ATP5F1C: variants seen among roughly 807,000 people sequenced by gnomAD.
ATP5F1C encodes the protein ATP synthase F1 subunit gamma.
Under a neutral mutation model 37.4 loss-of-function variants are expected in ATP5F1C, and 22 were observed. The observed-to-expected ratio is 0.59, with a 90% CI of 0.42 to 0.84. ATP5F1C has a LOEUF of 0.84. Among genes scored for constraint, ATP5F1C ranks in the 40% least tolerant of loss-of-function variants. The pLI is 0.00. For missense variants in ATP5F1C, 286 were observed against 362.4 expected (o/e 0.79, Z 1.71); for synonymous variants, 121 against 128.0 (o/e 0.95, Z 0.37).
rs1564331892 is a variant in ATP5F1C, at chr10:7,797,182, A to AGG, written c.223+6_223+7dup. ...ATATATGGATTGGGATCTTTAGGTA[A>AGG]GGGAAGAGTGTAATTCACAAATTAG... On this transcript the variant is annotated splice_donor_region_variant and intron_variant, in intron 3 of 9. Coordinates refer to ENST00000356708, the MANE Select transcript of ATP5F1C (RefSeq NM_001001973.3). 1 of 1,613,160 alleles carries AGG rather than the reference A, an allele frequency of 6.2e-7. No homozygotes were observed. The highest frequency in any genetic ancestry group is 8.5e-7 in the Non-Finnish European group (1 of 1,179,438).
chr10:7,796,390 A>AG lies in ATP5F1C; in HGVS notation c.91+235_91+236insG, dbSNP rs527670439. ...AATGATCATGATATAACTAGAAAAA[A>AG]TTATACCAGTGTTGGTGTAGGTGGG... On this transcript the variant is annotated intron_variant, in intron 2 of 9. Transcript: ENST00000356708. 31 of 355,974 alleles carry AG rather than the reference A, an allele frequency of 8.7e-5. No homozygotes were observed. In the East Asian group the frequency reaches 1.1e-3, roughly 13 times the overall value. The allele number at this position is 355,974 out of a possible 1,614,324, so 22.1% of individuals were successfully genotyped here.
chr10:7,802,528 C>G (rs1175215974), intron 7 of ATP5F1C, 103 bp downstream of exon 7: 2 of 1,347,240 alleles, frequency 1.5e-6, no homozygotes, highest in Admixed American at 4.7e-5. Context: ...ACAACATTAA[C>G]ATGATATTCC....
rs767207308 is a variant in ATP5F1C at position 7,788,213 on chromosome 10, C to T, written c.6C>T (p.Phe2=). The part of the protein sequence containing the change: M[F]SRAGVAGLSA... The stretch of plus-strand genomic sequence containing the variant: ...TCAGCAGGGCTGTGGCTACCATGTT[C>T]TCTCGCGCGGGTGTCGCTGGGCTGT... Residue 2 remains phenylalanine (F), a synonymous_variant, in exon 1 of 10, where the codon TTC becomes TTT. Transcript: ENST00000356708. 3 of 1,613,514 alleles carry T rather than the reference C, an allele frequency of 1.9e-6. No individual in the cohort carries two copies. The highest frequency in any genetic ancestry group is 1.7e-6 in the Non-Finnish European group (2 of 1,179,930).
At chr10:7,799,311 C>A (rs1285123234) in intron 4 of ATP5F1C, 117 bp downstream of exon 4, 1 of 930,674 alleles carries the variant, frequency 1.1e-6, no homozygotes, top group Non-Finnish European at 1.6e-6. Flanking sequence ...TTCTTCAGGG[C>A]CTTTTTTGGT....
chr10:7,806,741 C>T (rs1217058596), intron 8 of ATP5F1C, among the ~76,000 whole-genome samples: 2 of 151,876 alleles, frequency 1.3e-5, no homozygotes, highest in African/African-American at 4.8e-5. Context: ...TGCCTACTTG[C>T]ATGAGCATGT....
At chr10:7,796,441 T>C (rs2131061726) in intron 2 of ATP5F1C, 1 of 251,834 alleles carries the variant, frequency 4.0e-6, no homozygotes, top group Non-Finnish European at 7.6e-6. Context: ...GGGTAAATCA[T>C]GTTATATATA....
At chr10:7,800,178 T>C (rs11255368) in intron 6 of ATP5F1C, 87 bp downstream of exon 6, 10 of 1,315,444 alleles carry the variant, frequency 7.6e-6, no homozygotes, top group Non-Finnish European at 1.1e-5. Flanking sequence ...AGATATCTGG[T>C]GGTAGCTATA....
intron 3 of ATP5F1C, among the ~76,000 whole-genome samples, chr10:7,798,404 A>G (rs1836282087): frequency 6.6e-6 from 1 of 150,528 alleles, no homozygotes; most frequent in South Asian, 2.1e-4. Flanking sequence ...CACCTGGCTA[A>G]TTTTTGTATT....
chr10:7,805,926 A>G (rs12413175), intron 8 of ATP5F1C, among the ~76,000 whole-genome samples: 13,254 of 152,088 alleles, frequency 0.087, 761 homozygotes, highest in African/African-American at 0.13. Flanking sequence ...ATCTCTACAA[A>G]AATGAAAAAA....
In ATP5F1C at chr10:7,802,869, A is replaced by C; in HGVS notation, c.890+15A>C. On this transcript the variant is annotated intron_variant, in intron 8 of 9. Transcript: ENST00000356708. ...GCTGCAGCTCTGTGAGTAATTGTAG[A>C]TTGTCGCCTTCAGAGAATTTTTTTT... is the stretch of plus-strand genomic sequence containing the variant. The C allele has an allele frequency of 6.2e-7, 1 of 1,604,704 alleles. No homozygotes were observed. Among genetic ancestry groups the C allele is most frequent in the Non-Finnish European group, 8.5e-7 (1 of 1,175,932 alleles).
At chr10:7,802,205 C>A in intron 6 of ATP5F1C, 65 bp from the exon 7 acceptor site, 1 of 1,493,326 alleles carries the variant, frequency 6.7e-7, no homozygotes, top group Non-Finnish European at 9.0e-7. Context: ...CACTGAAAAG[C>A]TGTTTTTGAT....
At chr10:7,799,264 GACAA>G in intron 4 of ATP5F1C, 70 bp downstream of exon 4, 1 of 1,451,078 alleles carries the variant, frequency 6.9e-7, no homozygotes, top group Non-Finnish European at 9.5e-7. Context: ...CAAAAGTTTT[GACAA>G]ACTCTCAAAA....
chr10:7,802,828 T>G lies in ATP5F1C; in HGVS notation c.864T>G (p.Ile288Met). ...AAGCTGTCATCACAAAAGAGTTGAT[T>G]GAAATTATCTCTGGTGCTGCAGCTC... ...TRQAVITKELIEIISGAAALD is the reference protein window; with the variant it reads ...TRQAVITKELMEIISGAAALD Residue 288 changes from isoleucine to methionine, a missense_variant, in exon 8 of 10, where the codon ATT becomes ATG. By Grantham distance (10) the Ile-to-Met change is conservative. Coordinates refer to ENST00000356708, the MANE Select transcript of ATP5F1C (RefSeq NM_001001973.3). The G allele has an allele frequency of 6.2e-7, 1 of 1,613,942 alleles. No individual in the cohort carries two copies. Among genetic ancestry groups the G allele is most frequent in the East Asian group, 2.2e-5 (1 of 44,842 alleles).
chr10:7,799,639 C>A, intron 4 of ATP5F1C, 133 bp from the exon 5 acceptor site: 1 of 982,734 alleles, frequency 1.0e-6, no homozygotes, highest in Non-Finnish European at 1.5e-6. Context: ...TGTGGAACAA[C>A]TCAGGAAATC....
Position 7,799,905 on chromosome 10 carries a change from A to C in ATP5F1C, c.562A>C (p.Asn188His), listed in dbSNP as rs773085624. The C allele has an allele frequency of 6.2e-7, 1 of 1,613,450 alleles. No individual in the cohort carries two copies. The highest frequency in any genetic ancestry group is 8.5e-7 in the Non-Finnish European group (1 of 1,179,804). ...ATTTGATGAAGGCTCCATCATCTTT[A>C]ATAAATTCAGGCAAGACAGATTTAG... ...YEFDEGSIIF[N>H]KFRSVISYKT... is the part of the protein sequence containing the mutation. The change falls in exon 5 of 10, where the codon AAT becomes CAT. Residue 188 changes from asparagine to histidine, a missense_variant. Physicochemically the swap from Asn to His is moderately conservative, Grantham distance 68. Coordinates refer to ENST00000356708, the MANE Select transcript of ATP5F1C (RefSeq NM_001001973.3).
At chr10:7,791,105 T>A (rs991981046) in intron 1 of ATP5F1C, among the ~76,000 whole-genome samples, 2 of 152,026 alleles carry the variant, frequency 1.3e-5, no homozygotes, top group Admixed American at 6.6e-5. Flanking sequence ...ATCAAGACCA[T>A]ACTGGCCAAC....
chr10:7,790,884 T>C (rs2131053449), intron 1 of ATP5F1C, among the ~76,000 whole-genome samples: 1 of 152,226 alleles, frequency 6.6e-6, no homozygotes, highest in South Asian at 2.1e-4. Context: ...TGTAGGACAA[T>C]GGGGGAAATG....
At chr10:7,807,054 C>G in intron 9 of ATP5F1C, 44 bp downstream of exon 9, 1 of 1,544,898 alleles carries the variant, frequency 6.5e-7, no homozygotes, top group Non-Finnish European at 8.9e-7. Context: ...GAAAAGAAAC[C>G]TATTCAGATA....
intron 1 of ATP5F1C, among the ~76,000 whole-genome samples, chr10:7,791,554 T>C (rs1836165088): frequency 6.6e-6 from 1 of 152,212 alleles, no homozygotes; most frequent in South Asian, 2.1e-4. Context: ...TCCACTGCCT[T>C]CGTCAGCTGT....
Sources: gnomAD v4.1 joint callset for allele counts (sites outside exome capture counted in the v4.1 genomes callset) on GRCh38, gnomAD v4.1.1 for gene constraint, MANE v1.5 for transcripts, NCBI Gene and HGNC (gene_info 2026-07-23, HGNC 2026-07-21) for gene names.